GLIS3: variants seen among roughly 807,000 people sequenced by gnomAD.
GLIS3 encodes GLIS family zinc finger 3, also known as zinc finger protein GLIS3.
A neutral mutation model predicts 78.6 loss-of-function variants in GLIS3; 53 were observed. The ratio of observed to expected loss-of-function variants is 0.67; its 90% CI spans 0.54 to 0.85. The LOEUF (loss-of-function observed/expected upper bound fraction) is 0.85. GLIS3 is among the 40% of genes least tolerant of loss of function. GLIS3 has a pLI of 0.00. For missense variants in GLIS3, 1,703 were observed against 1,231.1 expected (o/e 1.38, Z -5.74); for synonymous variants, 684 against 509.9 (o/e 1.34, Z -4.60).
rs1818596816 is a variant in GLIS3, at chr9:3,839,646, G to A, written c.2474-10154C>T. 2.0e-5 allele frequency among the ~76,000 whole-genome samples: 3 copies of A among 151,684 alleles called. 1 individual carries two copies. Among genetic ancestry groups the A allele is most frequent in the African/African-American group, 4.8e-5 (2 of 41,362 alleles). The stretch of plus-strand genomic sequence containing the variant: ...TTATCCAAATCCTCATGGCTACCAT[G>A]TTTCAGAACCAGGACTCAAATTTTT... On this transcript the variant is annotated intron_variant, in intron 9 of 10. Coordinates refer to ENST00000381971, the MANE Select transcript of GLIS3 (RefSeq NM_001042413.2).
At chr9:4,276,564 G>GAGGGAATGGA (rs1827047871) in intron 2 of GLIS3, among the ~76,000 whole-genome samples, 1 of 111,524 alleles carries the variant, frequency 9.0e-6, no homozygotes, top group Non-Finnish European at 1.9e-5. Context: ...GAGGGGAGGG[G>GAGGGAATGGA]AGGGAAGAGA....
intron 2 of GLIS3, among the ~76,000 whole-genome samples, chr9:4,181,005 G>T (rs1272671300): frequency 6.6e-6 from 1 of 152,202 alleles, no homozygotes; most frequent in Non-Finnish European, 1.5e-5. Flanking sequence ...GCCCTTGGAT[G>T]TTGAAGCAAG....
the GLIS3 span, among the ~76,000 whole-genome samples, chr9:4,489,282 A>G: frequency 9.2e-5 from 14 of 152,206 alleles, no homozygotes; most frequent in Non-Finnish European, 1.9e-4. Flanking sequence ...CATTCATACT[A>G]AAGTCTACAG....
At chr9:3,999,873 G>T (rs1441331944) in intron 4 of GLIS3, among the ~76,000 whole-genome samples, 4 of 151,980 alleles carry the variant, frequency 2.6e-5, no homozygotes, top group Admixed American at 1.3e-4. Flanking sequence ...TAGTAATTAC[G>T]CAATGCAACA....
upstream of GLIS3, among the ~76,000 whole-genome samples, chr9:4,304,987 T>C (rs751274081): frequency 8.5e-5 from 13 of 152,194 alleles, no homozygotes; most frequent in Non-Finnish European, 1.6e-4. Flanking sequence ...GGTAAGAGTG[T>C]TGACTTCCTT....
At chr9:4,298,143 G>T (rs1816745471) in intron 1 of GLIS3, among the ~76,000 whole-genome samples, 1 of 152,088 alleles carries the variant, frequency 6.6e-6, no homozygotes, top group African/African-American at 2.4e-5. Context: ...AAAGGGTGCT[G>T]CGGCTGGGAA....
intron 6 of GLIS3, among the ~76,000 whole-genome samples, chr9:3,907,166 G>T (rs540232358): frequency 3.5e-4 from 54 of 152,266 alleles, no homozygotes; most frequent in African/African-American, 1.3e-3. Flanking sequence ...ATGTGCACTG[G>T]GGCTTTGTTT....
At chr9:4,091,677 C>G (rs1392065126) in intron 4 of GLIS3, among the ~76,000 whole-genome samples, 1 of 152,152 alleles carries the variant, frequency 6.6e-6, no homozygotes, top group African/African-American at 2.4e-5. Flanking sequence ...TCGCTCGACT[C>G]TCACTTCTCC....
chr9:4,419,330 TAAAAA>T, the GLIS3 span, among the ~76,000 whole-genome samples: 2 of 152,018 alleles, frequency 1.3e-5, no homozygotes, highest in South Asian at 4.2e-4. Flanking sequence ...CTGGGTAACT[TAAAAA>T]GAAAAGAGGT....
chr9:4,252,538 T>C (rs567229787), intron 2 of GLIS3, among the ~76,000 whole-genome samples: 1 of 152,222 alleles, frequency 6.6e-6, no homozygotes, highest in East Asian at 1.9e-4. Context: ...ATTCCTTGCA[T>C]TGGGTTAGAA....
At chr9:4,031,346 T>A (rs1315950171) in intron 4 of GLIS3, among the ~76,000 whole-genome samples, 1 of 152,230 alleles carries the variant, frequency 6.6e-6, no homozygotes, top group East Asian at 1.9e-4. Flanking sequence ...GCAATGTGGA[T>A]GAACCTTGAA....
the GLIS3 span, among the ~76,000 whole-genome samples, chr9:4,377,577 C>G: frequency 2.5e-5 from 2 of 79,148 alleles, 1 homozygote; most frequent in Non-Finnish European, 6.3e-5. Context: ...CTAGTTCTGT[C>G]CCTCCGGAGA....
rs370733797 is a variant in GLIS3, at chr9:4,041,298, G to C, written c.1710+76470C>G. On this transcript the variant is annotated intron_variant, in intron 4 of 10. Transcript: ENST00000381971. ...CCTCTATTTCCCTCTACCAACTAGGGATAAGGGAAACTGCCAAACATCCTA... is the reference window on the plus strand; with the variant it reads ...CCTCTATTTCCCTCTACCAACTAGGCATAAGGGAAACTGCCAAACATCCTA... 3.1e-3 allele frequency among the ~76,000 whole-genome samples: 478 copies of C among 152,304 alleles called. 1 individual carries two copies. Among genetic ancestry groups the C allele is most frequent in the African/African-American group, 0.011 (452 of 41,566 alleles).
At chr9:4,337,628 C>T (rs955621976) in intron 2 of GLIS3, among the ~76,000 whole-genome samples, 1 of 152,092 alleles carries the variant, frequency 6.6e-6, no homozygotes, top group Non-Finnish European at 1.5e-5. Flanking sequence ...GGACAAGGGC[C>T]TCAAGCATCA....
At chr9:4,144,314 C>T (rs1426913302) in intron 2 of GLIS3, among the ~76,000 whole-genome samples, 1 of 152,164 alleles carries the variant, frequency 6.6e-6, no homozygotes, top group Non-Finnish European at 1.5e-5. Flanking sequence ...AATTTTACCT[C>T]AGAAACTTGG....
At chr9:3,922,610 G>T (rs916176890) in intron 6 of GLIS3, among the ~76,000 whole-genome samples, 3 of 151,996 alleles carry the variant, frequency 2.0e-5, no homozygotes, top group Admixed American at 6.6e-5. Flanking sequence ...TAATTGCTGG[G>T]GGTAAGGTGG....
At chr9:4,241,511 T>G (rs1823309963) in intron 2 of GLIS3, among the ~76,000 whole-genome samples, 1 of 152,120 alleles carries the variant, frequency 6.6e-6, no homozygotes. Context: ...ACACCCCAAC[T>G]ACACCCCAAC....
chr9:4,370,700 TAAATA>T, the GLIS3 span, among the ~76,000 whole-genome samples: 3 of 125,978 alleles, frequency 2.4e-5, no homozygotes, highest in African/African-American at 8.7e-5. Flanking sequence ...TATTCTGTAA[TAAATA>T]AAATATATTA....
intron 4 of GLIS3, among the ~76,000 whole-genome samples, chr9:4,057,172 G>A (rs1293362452): frequency 6.6e-6 from 1 of 152,062 alleles, no homozygotes; most frequent in African/African-American, 2.4e-5. Flanking sequence ...ACTAATTCCA[G>A]GGCTGGCTTC....
Sources: gnomAD v4.1 joint callset for allele counts (sites outside exome capture counted in the v4.1 genomes callset) on GRCh38, gnomAD v4.1.1 for gene constraint, MANE v1.5 for transcripts, NCBI Gene and HGNC (gene_info 2026-07-23, HGNC 2026-07-21) for gene names.